XKR4: variants seen among roughly 807,000 people sequenced by gnomAD.
XKR4 encodes XK related 4.
A neutral mutation model predicts 53.9 loss-of-function variants in XKR4; 12 were observed. The observed-to-expected ratio is 0.22, with a 90% CI of 0.14 to 0.36. XKR4 has a LOEUF of 0.36. Among genes scored for constraint, XKR4 ranks in the 10% least tolerant of loss-of-function variants. The pLI, the probability that XKR4 is intolerant of heterozygous loss-of-function variation, is 1.00. For missense variants in XKR4, 799 were observed against 859.5 expected, an observed-to-expected ratio of 0.93 and a Z score of 0.88; for synonymous variants, 354 against 362.4, an observed-to-expected ratio of 0.98 and a Z score of 0.26.
At chr8:55,414,147 G>C (rs1436066920) in intron 2 of XKR4, among the ~76,000 whole-genome samples, 2 of 152,232 alleles carry the variant, frequency 1.3e-5, no homozygotes, top group East Asian at 3.9e-4. Context: ...GATTATACTT[G>C]GAAGTCAGTT....
At chr8:55,256,207 G>T (rs879402365) in intron 1 of XKR4, among the ~76,000 whole-genome samples, 2 of 152,078 alleles carry the variant, frequency 1.3e-5, no homozygotes, top group Non-Finnish European at 2.9e-5. Flanking sequence ...AAAGTGTGAG[G>T]CTGAGAATGA....
At chr8:55,352,333 G>T (rs529871405) in intron 1 of XKR4, among the ~76,000 whole-genome samples, 1 of 152,262 alleles carries the variant, frequency 6.6e-6, no homozygotes, top group Non-Finnish European at 1.5e-5. Flanking sequence ...TCTCCAAGGA[G>T]CAGGGAGTGT....
intron 1 of XKR4, among the ~76,000 whole-genome samples, chr8:55,197,209 G>A (rs541594446): frequency 3.9e-5 from 6 of 152,070 alleles, no homozygotes; most frequent in Non-Finnish European, 5.9e-5. Context: ...CTCAACAATC[G>A]TCTCAGCCAT....
At chr8:55,477,162 C>T (rs1299233070) in intron 2 of XKR4, among the ~76,000 whole-genome samples, 1 of 152,094 alleles carries the variant, frequency 6.6e-6, no homozygotes, top group Non-Finnish European at 1.5e-5. Context: ...AGACTGACAC[C>T]TCACACAGCC....
intron 2 of XKR4, among the ~76,000 whole-genome samples, chr8:55,360,798 T>C (rs1376318031): frequency 6.6e-6 from 1 of 152,240 alleles, no homozygotes; most frequent in Non-Finnish European, 1.5e-5. Flanking sequence ...TATTAGGTAT[T>C]GTATTCTCTT....
chr8:55,240,327 T>C (rs1234734555), intron 1 of XKR4, among the ~76,000 whole-genome samples: 1 of 152,192 alleles, frequency 6.6e-6, no homozygotes, highest in Non-Finnish European at 1.5e-5. Flanking sequence ...AAAGCTAACA[T>C]TCAAGTACTA....
chr8:55,399,157 C>T (rs1194971518), intron 2 of XKR4, among the ~76,000 whole-genome samples: 1 of 152,194 alleles, frequency 6.6e-6, no homozygotes, highest in Non-Finnish European at 1.5e-5. Context: ...TCTTCTGACA[C>T]TGACTTCCAG....
At position 55,264,454 on chromosome 8, in the gene XKR4, T is replaced by C. The variant is rs543161185; in HGVS notation, c.807-93224T>C. On this transcript the variant is annotated intron_variant, in intron 1 of 2. Coordinates refer to ENST00000327381, the MANE Select transcript of XKR4 (RefSeq NM_052898.2). ...TTAGGAAATATTTGATGTAAGCAAA[T>C]AGATGAACAAGCTGTCCCTGGCTAA... 3.3e-5 allele frequency among the ~76,000 whole-genome samples: 5 copies of C among 152,290 alleles called. No homozygotes were observed. The South Asian group carries it at 1.0e-3, about 32-fold the overall frequency.
intron 2 of XKR4, among the ~76,000 whole-genome samples, chr8:55,501,521 C>T (rs1267451116): frequency 6.6e-6 from 1 of 152,128 alleles, no homozygotes; most frequent in Non-Finnish European, 1.5e-5. Flanking sequence ...AATATGACTA[C>T]TCTAGGTGCC....
intron 2 of XKR4, among the ~76,000 whole-genome samples, chr8:55,463,862 A>T (rs1232183478): frequency 1.3e-5 from 2 of 152,272 alleles, no homozygotes; most frequent in East Asian, 3.9e-4. Context: ...ACACAAATAA[A>T]CTAGAAAATC....
chr8:55,225,530 A>G (rs1585950796), intron 1 of XKR4, among the ~76,000 whole-genome samples: 1 of 152,188 alleles, frequency 6.6e-6, no homozygotes, highest in Non-Finnish European at 1.5e-5. Context: ...GGAAATATCT[A>G]TGGAACCATT....
chr8:55,345,068 G>A (rs966679563), intron 1 of XKR4, among the ~76,000 whole-genome samples: 1 of 152,168 alleles, frequency 6.6e-6, no homozygotes, highest in Non-Finnish European at 1.5e-5. Context: ...GATCACTTGA[G>A]GTCAGGAGTT....
intron 2 of XKR4, among the ~76,000 whole-genome samples, chr8:55,481,949 G>C (rs1352559210): frequency 6.6e-6 from 1 of 152,176 alleles, no homozygotes; most frequent in African/African-American, 2.4e-5. Flanking sequence ...CTGTTGGTGG[G>C]ACTGTAATCT....
intron 2 of XKR4, chr8:55,450,380 C>T: frequency 1.6e-6 from 1 of 631,272 alleles, no homozygotes; most frequent in South Asian, 1.9e-5. Context: ...ACCTCTGTGT[C>T]CTCGGGTGCA....
At chr8:55,255,783 T>C (rs1354735710) in intron 1 of XKR4, among the ~76,000 whole-genome samples, 5 of 152,216 alleles carry the variant, frequency 3.3e-5, no homozygotes, top group African/African-American at 9.6e-5. Context: ...ATAAATTACA[T>C]GAGCTGTGAT....
At chr8:55,338,354 T>C (rs1803495958) in intron 1 of XKR4, among the ~76,000 whole-genome samples, 1 of 152,194 alleles carries the variant, frequency 6.6e-6, no homozygotes, top group South Asian at 2.1e-4. Flanking sequence ...CTAGTGTGCA[T>C]GTGCTGTATT....
At chr8:55,397,877 G>A (rs1012668650) in intron 2 of XKR4, among the ~76,000 whole-genome samples, 1 of 152,132 alleles carries the variant, frequency 6.6e-6, no homozygotes, top group Non-Finnish European at 1.5e-5. Flanking sequence ...GGAGCCTGCA[G>A]CCACTCATCA....
intron 1 of XKR4, among the ~76,000 whole-genome samples, chr8:55,155,750 C>T (rs12548047): frequency 0.03 from 4,606 of 152,120 alleles, 180 homozygotes; most frequent in East Asian, 0.12. Context: ...ATTAGAATAT[C>T]GGGGACAAAG....
At chr8:55,159,507 A>G (rs1472742711) in intron 1 of XKR4, among the ~76,000 whole-genome samples, 3 of 152,228 alleles carry the variant, frequency 2.0e-5, no homozygotes, top group African/African-American at 4.8e-5. Context: ...GAATATTATG[A>G]AATGGCATCT....
Sources: allele counts gnomAD v4.1 joint callset (sites outside exome capture counted in the v4.1 genomes callset), GRCh38; gene constraint gnomAD v4.1.1; transcripts MANE v1.5; gene names NCBI Gene and HGNC (gene_info 2026-07-23, HGNC 2026-07-21).